ZFYVE26: variants seen among roughly 807,000 people sequenced by gnomAD.
The protein encoded by ZFYVE26 is zinc finger FYVE-type containing 26, also known as zinc finger FYVE domain-containing protein 26.
Under a neutral mutation model 276.5 loss-of-function variants are expected in ZFYVE26, and 181 were observed. The observed-to-expected ratio is 0.65, with a 90% CI of 0.58 to 0.74. ZFYVE26 has a LOEUF of 0.74. Among genes scored for constraint, ZFYVE26 ranks in the 30% least tolerant of loss-of-function variants. The pLI, the probability that ZFYVE26 is intolerant of heterozygous loss-of-function variation, is 0.00. For synonymous variants in ZFYVE26, 1,129 were observed against 1,203.1 expected, an observed-to-expected ratio of 0.94 and a Z score of 1.27; for missense variants, 2,821 against 3,097.9, an observed-to-expected ratio of 0.91 and a Z score of 2.12.
rs1458443739 is a variant in ZFYVE26, at chr14:67,756,106, G to C, written c.6628C>G (p.Pro2210Ala). 1 of 1,614,176 alleles carries C rather than the reference G, an allele frequency of 6.2e-7. No individual in the cohort carries two copies. The highest frequency in any genetic ancestry group is 1.7e-5 in the Admixed American group (1 of 60,020). Residue 2210 changes from proline (P) to alanine (A), a missense_variant, in exon 36 of 42, where the codon CCA (proline) becomes GCA (alanine). By Grantham distance (27) the Pro-to-Ala change is conservative. Transcript: ENST00000347230. The part of the protein sequence containing the change: ...PEVFIEGIFQ[P>A]SYKSGKLHTL... The stretch of plus-strand genomic sequence containing the variant: ...TGTAGCTTCCCACTTTTATAGCTTG[G>C]TTGGAAAATGCCTTCTATAAAAACT...
At chr14:67,794,283 T>C (rs1363945980) in intron 12 of ZFYVE26, 44 bp from the exon 13 acceptor site, 2 of 1,586,314 alleles carry the variant, frequency 1.3e-6, no homozygotes, top group Admixed American at 1.7e-5. Context: ...TATCAGCTCC[T>C]TATAGAGTAG....
In ZFYVE26 at chr14:67,807,634, G is replaced by A; in HGVS notation, c.650C>T (p.Ala217Val). 1 of 1,614,186 alleles carries A rather than the reference G, an allele frequency of 6.2e-7. No homozygotes were observed. The highest frequency in any genetic ancestry group is 8.5e-7 in the Non-Finnish European group (1 of 1,180,034). ...CAGAGTCCGCAGGGCTCCATAGATGGCATCGACTACCCCAGGGGGCACCGA... is the reference window on the plus strand; with the variant it reads ...CAGAGTCCGCAGGGCTCCATAGATGACATCGACTACCCCAGGGGGCACCGA... ...PDSVPPGVVD[A>V]IYGALRTLRC... Residue 217 changes from alanine (A) to valine (V), a missense_variant, in exon 5 of 42, where the codon GCC becomes GTC. Transcript: ENST00000347230.
chr14:67,805,545 G>A lies in ZFYVE26; in HGVS notation c.1091C>T (p.Pro364Leu), dbSNP rs1298581018. ...CAGGAGTACAAGCAGGCAACTGAGG[G>A]GCCTGAATTCTCTATCAAGTAGGCA... ...LGCLLDREFRPLSCLLVLLGW... is the reference protein window; with the variant it reads ...LGCLLDREFRLLSCLLVLLGW... The change falls in exon 7 of 42, where the codon CCC becomes CTC. Residue 364 changes from proline (P) to leucine (L), a missense_variant. Coordinates refer to ENST00000347230, the MANE Select transcript of ZFYVE26 (RefSeq NM_015346.4). 6.2e-6 allele frequency: 10 copies of A among 1,613,996 alleles called. No homozygotes were observed. Among genetic ancestry groups the A allele is most frequent in the Non-Finnish European group, 8.5e-6 (10 of 1,180,018 alleles).
exon 14 of ZFYVE26, chr14:67,729,336 C>G (rs1289952536): frequency 6.3e-7 from 1 of 1,599,118 alleles, no homozygotes; most frequent in South Asian, 1.1e-5. Context: ...GCCTGCACTG[C>G]GCCCTGGCTG....
intron 3 of ZFYVE26, among the ~76,000 whole-genome samples, chr14:67,813,721 A>G (rs2040345824): frequency 6.6e-6 from 1 of 152,178 alleles, no homozygotes; most frequent in Non-Finnish European, 1.5e-5. Flanking sequence ...CTATTTTGTT[A>G]CCTTCACTGA....
intron 14 of ZFYVE26, among the ~76,000 whole-genome samples, chr14:67,791,740 A>T (rs911237474): frequency 6.6e-6 from 1 of 151,668 alleles, no homozygotes; most frequent in Non-Finnish European, 1.5e-5. Flanking sequence ...ACTCCTAGCT[A>T]AATTCCTCTG....
chr14:67,808,571 G>A (rs1221822907), intron 4 of ZFYVE26, among the ~76,000 whole-genome samples: 2 of 151,902 alleles, frequency 1.3e-5, no homozygotes, highest in African/African-American at 4.8e-5. Flanking sequence ...GAGAGAAGGG[G>A]GTGAGAAGTA....
chr14:67,781,302 G>A (rs182726800), intron 22 of ZFYVE26, 31 bp downstream of exon 22: 78 of 1,611,974 alleles, frequency 4.8e-5, no homozygotes, highest in Middle Eastern at 3.3e-4. Context: ...TGAGAAGCCC[G>A]TTCCCTTTCT....
chr14:67,793,633 C>A lies in ZFYVE26; in HGVS notation c.2528G>T (p.Arg843Leu). Residue 843 changes from arginine to leucine, a missense_variant, in exon 14 of 42, where the codon CGC (arginine) becomes CTC (leucine). Arg to Leu is a moderately radical substitution (Grantham distance 102, BLOSUM62 -2). Coordinates refer to ENST00000347230, the MANE Select transcript of ZFYVE26 (RefSeq NM_015346.4). ...PESLLASCIL[R>L]GNFAEAHQVL... ...CTGATGGGCTTCTGCGAAGTTCCCG[C>A]GAAGGATGCAGGATGCCAGCAGTGA... 6.2e-7 allele frequency: 1 copy of A among 1,613,638 alleles called. No homozygotes were observed. Among genetic ancestry groups the A allele is most frequent in the Middle Eastern group, 1.7e-4 (1 of 6,056 alleles).
intron 13 of ZFYVE26, among the ~76,000 whole-genome samples, chr14:67,738,559 G>A (rs1346938943): frequency 6.6e-6 from 1 of 151,552 alleles, no homozygotes; most frequent in Admixed American, 6.6e-5. Context: ...AGAATGATGT[G>A]TTCTGTGTAG....
chr14:67,763,585 C>T (rs184472575), intron 32 of ZFYVE26, among the ~76,000 whole-genome samples: 1 of 152,202 alleles, frequency 6.6e-6, no homozygotes. Flanking sequence ...GAAGGCTATA[C>T]CCTCTGGGTT....
At chr14:67,812,587 A>G (rs2040326132) in intron 3 of ZFYVE26, among the ~76,000 whole-genome samples, 1 of 152,234 alleles carries the variant, frequency 6.6e-6, no homozygotes, top group Non-Finnish European at 1.5e-5. Flanking sequence ...AAATAGTCCC[A>G]CAACTGTTTA....
chr14:67,798,164 T>C lies in ZFYVE26; in HGVS notation c.2098A>G (p.Ser700Gly). Reference sequence around the variant, plus strand: ...GGCTTCTCAGGAGGGCTGCGGCTACTGATCTCATCCAGTTGCTCTTGGAGA... The same window carrying C: ...GGCTTCTCAGGAGGGCTGCGGCTACCGATCTCATCCAGTTGCTCTTGGAGA... ...RLLQEQLDEI[S>G]SRSPPEKPKQ... is the part of the protein sequence containing the mutation. The change falls in exon 11 of 42, where the codon AGT becomes GGT. Residue 700 changes from serine (S) to glycine (G), a missense_variant. Ser to Gly is a moderately conservative substitution (Grantham distance 56). Transcript: ENST00000347230. 1 of 1,614,164 alleles carries C rather than the reference T, an allele frequency of 6.2e-7. No homozygotes were observed. Among genetic ancestry groups the C allele is most frequent in the Non-Finnish European group, 8.5e-7 (1 of 1,180,028 alleles).
intron 13 of ZFYVE26, chr14:67,733,724 ACTGT>A: frequency 6.6e-7 from 1 of 1,520,108 alleles, no homozygotes; most frequent in Non-Finnish European, 9.1e-7. Context: ...CCTGGAATTT[ACTGT>A]CTTTCTCTGC....
Position 67,807,905 on chromosome 14 carries a change from A to G in ZFYVE26, c.379T>C (p.Leu127=). 6.2e-7 allele frequency: 1 copy of G among 1,614,184 alleles called. No individual in the cohort carries two copies. Among genetic ancestry groups the G allele is most frequent in the Non-Finnish European group, 8.5e-7 (1 of 1,180,010 alleles). ...ACGTGGCCTACTGCACCCTGTGTTA[A>G]GGTCTCATACAGCTCCTAAATAGAG... is the stretch of plus-strand genomic sequence containing the variant. ...ENILEELYET[L]TQGAVGHVPD... The change falls in exon 5 of 42, where the codon TTA becomes CTA. Residue 127 remains leucine (L), a synonymous_variant. Transcript: ENST00000347230.
At position 67,807,486 on chromosome 14, in the gene ZFYVE26, C is replaced by A; in HGVS notation, c.798G>T (p.Lys266Asn). The change falls in exon 5 of 42, where the codon AAG (lysine) becomes AAT (asparagine). Residue 266 changes from lysine to asparagine, a missense_variant. Transcript: ENST00000347230. ...ACAGGGACAGCAGGCCCCGGCTGGC[C>A]TTGTGCAGCAGGCAGCTGAGCAGCC... ...EERLLSCLLH[K>N]ASRGLLSLYG... 6.2e-7 allele frequency: 1 copy of A among 1,614,130 alleles called. No homozygotes were observed. Among genetic ancestry groups the A allele is most frequent in the Non-Finnish European group, 8.5e-7 (1 of 1,180,004 alleles).
At position 67,733,764 on chromosome 14, in the gene ZFYVE26, G is replaced by A. The variant is rs757735668; in HGVS notation, n.2680-3945C>T. ...CCTCCAGTGACTGCAAGAGGACCTGGGTGTCTCCAAGGGCCCGAAATAACA... is the reference window on the plus strand; with the variant it reads ...CCTCCAGTGACTGCAAGAGGACCTGAGTGTCTCCAAGGGCCCGAAATAACA... On this transcript the variant is annotated intron_variant and non_coding_transcript_variant, in intron 13 of 14. Coordinates refer to the ZFYVE26 transcript ENST00000394455. The A allele has an allele frequency of 6.2e-7, 1 of 1,613,092 alleles. No homozygotes were observed. Among genetic ancestry groups the A allele is most frequent in the Admixed American group, 1.7e-5 (1 of 59,988 alleles).
chr14:67,752,992 A>G (rs2038688694), intron 39 of ZFYVE26, among the ~76,000 whole-genome samples: 1 of 152,200 alleles, frequency 6.6e-6, no homozygotes, highest in Admixed American at 6.5e-5. Context: ...CCCTTATGCC[A>G]CAGGGCCTGG....
chr14:67,788,507 C>T (rs556905518), intron 16 of ZFYVE26, among the ~76,000 whole-genome samples: 5 of 152,352 alleles, frequency 3.3e-5, no homozygotes, highest in South Asian at 2.1e-4. Context: ...TAGGCATAGG[C>T]ATGCCCTGTG....
Sources: gnomAD v4.1 joint callset for allele counts (sites outside exome capture counted in the v4.1 genomes callset) on GRCh38, gnomAD v4.1.1 for gene constraint, MANE v1.5 for transcripts, NCBI Gene and HGNC (gene_info 2026-07-23, HGNC 2026-07-21) for gene names.